The following WDPCP variants were observed in gnomAD, a reference collection of about 807,000 sequenced individuals.
The protein encoded by WDPCP is WD repeat-containing and planar cell polarity effector protein fritz homolog.
WDPCP carries 71 observed loss-of-function variants against 93.1 expected under a neutral mutation model. The observed-to-expected ratio is 0.76, with a 90% CI of 0.63 to 0.93. WDPCP has a LOEUF of 0.93. Ranked by LOEUF, WDPCP falls within the 40% of genes least tolerant of loss-of-function variation. The pLI is 0.00. For missense variants in WDPCP, 844 were observed against 887.4 expected (o/e 0.95, Z 0.62); for synonymous variants, 315 against 315.0 (o/e 1.00, Z 0.00).
At chr2:63,326,610 CAG>C (rs1195549244) in intron 12 of WDPCP, among the ~76,000 whole-genome samples, 2 of 150,262 alleles carry the variant, frequency 1.3e-5, no homozygotes, top group Non-Finnish European at 3.0e-5. Context: ...GAGAAAGAGA[CAG>C]AGAGAGGAAG....
chr2:63,477,943 AG>A (rs1373075377), intron 6 of WDPCP: 1 of 152,126 alleles, frequency 6.6e-6, no homozygotes, highest in African/African-American at 2.4e-5. Flanking sequence ...ATCCTTGGGA[AG>A]GGCTCCCTGG....
At chr2:63,721,919 T>C (rs866148723) in intron 2 of WDPCP, among the ~76,000 whole-genome samples, 2,493 of 148,080 alleles carry the variant, frequency 0.017, 22 homozygotes, top group African/African-American at 0.018. Context: ...TTGGTGGAGA[T>C]GGGGTTTCGC....
At chr2:63,456,330 T>A (rs749591470) in intron 6 of WDPCP, among the ~76,000 whole-genome samples, 1 of 152,008 alleles carries the variant, frequency 6.6e-6, no homozygotes, top group Non-Finnish European at 1.5e-5. Flanking sequence ...AGTGGGAGGA[T>A]CACTTGAACC....
intron 1 of WDPCP, among the ~76,000 whole-genome samples, chr2:63,561,641 C>G (rs752035960): frequency 6.6e-6 from 1 of 151,954 alleles, no homozygotes; most frequent in African/African-American, 2.4e-5. Context: ...TGACAAAGGT[C>G]TAATATCTAG....
intron 14 of WDPCP, among the ~76,000 whole-genome samples, chr2:63,209,979 T>G (rs2104399405): frequency 6.6e-6 from 1 of 152,322 alleles, no homozygotes; most frequent in South Asian, 2.1e-4. Flanking sequence ...GTGTTAAGAT[T>G]CCTTTTCTGG....
At chr2:63,486,890 G>T (rs909940567) in intron 3 of WDPCP, among the ~76,000 whole-genome samples, 1 of 151,946 alleles carries the variant, frequency 6.6e-6, no homozygotes, top group Non-Finnish European at 1.5e-5. Context: ...CAGAACAGAA[G>T]CTGCTTCAGT....
Position 63,343,163 on chromosome 2 carries a change from G to C in WDPCP, c.1749-29852C>G, listed in dbSNP as rs180871655. Among the ~76,000 whole-genome samples, 3 of 152,018 alleles carry C rather than the reference G, an allele frequency of 2.0e-5. No homozygotes were observed. The East Asian group carries it at 5.8e-4, about 29-fold the overall frequency. On this transcript the variant is annotated intron_variant, in intron 12 of 17. Transcript: ENST00000272321. The stretch of plus-strand genomic sequence containing the variant: ...TTACGGGCTTGTACCACCACATCTG[G>C]CTTTTTTTCTTTTTTTGCATTTTTA...
chr2:63,595,597 C>A, intron 3 of WDPCP: 1 of 846,552 alleles, frequency 1.2e-6, no homozygotes, highest in South Asian at 1.5e-5. Context: ...TTGTTAAAGG[C>A]TCTCAATTAG....
intron 2 of WDPCP, among the ~76,000 whole-genome samples, chr2:63,714,315 G>T (rs1331923258): frequency 1.3e-5 from 2 of 151,780 alleles, no homozygotes; most frequent in Non-Finnish European, 2.9e-5. Flanking sequence ...TGATCCACCC[G>T]CCTTGTCCTC....
At chr2:63,588,859 T>G, upstream of WDPCP, 1 of 618,828 alleles carries the variant, frequency 1.6e-6, no homozygotes. Flanking sequence ...TTGAAGGAAA[T>G]GCTTTGGAGA....
intron 1 of WDPCP, among the ~76,000 whole-genome samples, chr2:63,542,677 A>G (rs1704834307): frequency 6.6e-6 from 1 of 152,222 alleles, no homozygotes; most frequent in African/African-American, 2.4e-5. Context: ...TTTCATTCCA[A>G]AAGTTTCAAA....
intron 8 of WDPCP, among the ~76,000 whole-genome samples, chr2:63,434,593 G>A (rs1697006229): frequency 6.6e-6 from 1 of 152,004 alleles, no homozygotes; most frequent in South Asian, 2.1e-4. Context: ...CACATGCCAA[G>A]GAAATATAGA....
rs529902579 is a variant in WDPCP, at chr2:63,595,281, C to T, written n.488+55378G>A. The T allele has an allele frequency of 2.9e-5, 20 of 688,616 alleles. No homozygotes were observed. The South Asian group carries it at 3.0e-4, about 10-fold the overall frequency. 42.7% of individuals were successfully genotyped at this position (688,616 alleles called of 1,614,324 possible). A position where few individuals can be genotyped will look rare whatever the true frequency, so the allele number is the denominator to read the frequency against. ...TCTGAAAGTGGCATAGTGCTAGATA[C>T]CTGACCTCCTAAAATAATCATCATG... is the stretch of plus-strand genomic sequence containing the variant. On this transcript the variant is annotated intron_variant and non_coding_transcript_variant, in intron 3 of 4. Transcript: ENST00000467687.
intron 3 of WDPCP, chr2:63,643,365 G>T: frequency 2.7e-6 from 1 of 373,924 alleles, no homozygotes; most frequent in Admixed American, 3.3e-5. Context: ...ATGGTTTGTT[G>T]CTCTTGCCAA....
At chr2:63,719,876 C>T (rs938423099) in intron 2 of WDPCP, among the ~76,000 whole-genome samples, 23 of 151,626 alleles carry the variant, frequency 1.5e-4, no homozygotes, top group African/African-American at 4.8e-4. Context: ...CCTTTCTGAG[C>T]GAAAAAAGCA....
At chr2:63,479,379 CA>C (rs999032720) in intron 6 of WDPCP, among the ~76,000 whole-genome samples, 1 of 151,500 alleles carries the variant, frequency 6.6e-6, no homozygotes, top group Non-Finnish European at 1.5e-5. Flanking sequence ...AAGGACATAA[CA>C]AAAAAAAGAA....
intron 14 of WDPCP, among the ~76,000 whole-genome samples, chr2:63,243,785 C>CACTG (rs1680052681): frequency 6.6e-6 from 1 of 152,096 alleles, no homozygotes. Context: ...TTCAACAGCA[C>CACTG]ACTGACAGCA....
chr2:63,246,399 C>G (rs929704608), intron 14 of WDPCP, among the ~76,000 whole-genome samples: 2 of 152,168 alleles, frequency 1.3e-5, no homozygotes, highest in African/African-American at 2.4e-5. Flanking sequence ...CATCTTCCAT[C>G]TGAAATTCTC....
chr2:63,258,995 G>T (rs1265873451), intron 14 of WDPCP, among the ~76,000 whole-genome samples: 1 of 152,010 alleles, frequency 6.6e-6, no homozygotes, highest in Non-Finnish European at 1.5e-5. Flanking sequence ...TTTCTGTGTT[G>T]GTTAATTTTA....
Sources: gnomAD v4.1 joint callset for allele counts (sites outside exome capture counted in the v4.1 genomes callset) on GRCh38, gnomAD v4.1.1 for gene constraint, MANE v1.5 for transcripts, NCBI Gene and HGNC (gene_info 2026-07-23, HGNC 2026-07-21) for gene names.